ASNS: variants seen among roughly 807,000 people sequenced by gnomAD.
The protein encoded by ASNS is asparagine synthetase (glutamine-hydrolyzing), also known as asparagine synthetase [glutamine-hydrolyzing].
In ASNS, 37 loss-of-function variants were observed where a neutral mutation model predicts 62.6. That is an observed-to-expected ratio of 0.59 (90% confidence interval 0.45 to 0.78). The LOEUF is 0.78. Ranked by LOEUF, ASNS falls within the 30% of genes least tolerant of loss-of-function variation. The pLI is 0.00. For missense variants in ASNS, 520 were observed against 682.4 expected, an observed-to-expected ratio of 0.76 and a Z score of 2.65; for synonymous variants, 207 against 237.9, an observed-to-expected ratio of 0.87 and a Z score of 1.19.
the ASNS span, among the ~76,000 whole-genome samples, chr7:97,915,493 C>G: frequency 6.6e-6 from 1 of 152,224 alleles, no homozygotes; most frequent in African/African-American, 2.4e-5. Flanking sequence ...GGCCCTGGCC[C>G]TCACGGTGAC....
At chr7:97,907,251 C>T in the ASNS span, among the ~76,000 whole-genome samples, 1 of 152,210 alleles carries the variant, frequency 6.6e-6, no homozygotes, top group Non-Finnish European at 1.5e-5. Context: ...TGTCTTCCTT[C>T]TCTGATGTCT....
the ASNS span, among the ~76,000 whole-genome samples, chr7:97,877,636 C>T: frequency 6.6e-6 from 1 of 151,956 alleles, no homozygotes; most frequent in African/African-American, 2.4e-5. Flanking sequence ...AATTGTTGAA[C>T]GAAGGCCCTC....
At chr7:97,911,850 A>T in the ASNS span, among the ~76,000 whole-genome samples, 1 of 152,030 alleles carries the variant, frequency 6.6e-6, no homozygotes, top group Admixed American at 6.6e-5. Context: ...CATGGAAGAA[A>T]GGAATGGAAG....
chr7:97,920,118 G>A, the ASNS span, among the ~76,000 whole-genome samples: 2 of 151,862 alleles, frequency 1.3e-5, no homozygotes, highest in African/African-American at 2.4e-5. Context: ...AGCAATTCTC[G>A]TGGCTCAGCT....
the ASNS span, among the ~76,000 whole-genome samples, chr7:97,902,722 AAAC>A: frequency 9.9e-5 from 15 of 151,984 alleles, no homozygotes; most frequent in South Asian, 4.2e-4. Flanking sequence ...TCCTGCCTCA[AAAC>A]AACAACAACA....
rs1225532908 is a variant in ASNS, at chr7:97,859,877, T to C, written c.488-479A>G. Among the ~76,000 whole-genome samples, 4 of 152,326 alleles carry C rather than the reference T, an allele frequency of 2.6e-5. No homozygotes were observed. In the East Asian group the frequency reaches 7.7e-4, roughly 29 times the overall value. On this transcript the variant is annotated intron_variant, in intron 4 of 12. Coordinates refer to ENST00000394308, the MANE Select transcript of ASNS (RefSeq NM_001673.5). Reference sequence around the variant, plus strand: ...AGTACAATGATCCACTTTTACCTACTTTAAAGTCAGATAAGAAGACATCTA... The same window carrying C: ...AGTACAATGATCCACTTTTACCTACCTTAAAGTCAGATAAGAAGACATCTA...
At chr7:97,895,989 A>G in the ASNS span, among the ~76,000 whole-genome samples, 3 of 108,840 alleles carry the variant, frequency 2.8e-5, no homozygotes, top group Non-Finnish European at 4.5e-5. Context: ...AAGGATGAGG[A>G]AAAAAAAAAA....
chr7:97,856,644 C>T (rs1584461051), intron 8 of ASNS, 46 bp downstream of exon 8: 1 of 1,453,138 alleles, frequency 6.9e-7, no homozygotes, highest in Non-Finnish European at 9.2e-7. Flanking sequence ...ACATTTTTTT[C>T]AGTATTAAAA....
At chr7:97,910,981 G>A in the ASNS span, among the ~76,000 whole-genome samples, 1 of 152,156 alleles carries the variant, frequency 6.6e-6, no homozygotes. Context: ...TAAATCTTGA[G>A]ATCTTATTAT....
intron 4 of ASNS, 35 bp from the exon 5 acceptor site, chr7:97,859,433 G>A (rs774988030): frequency 3.3e-6 from 5 of 1,529,714 alleles, no homozygotes; most frequent in Non-Finnish European, 4.4e-6. Context: ...ATTCAAATTA[G>A]GTAACCCTTC....
intron 7 of ASNS, among the ~76,000 whole-genome samples, chr7:97,857,482 T>C (rs959943276): frequency 6.6e-6 from 1 of 152,154 alleles, no homozygotes; most frequent in Non-Finnish European, 1.5e-5. Context: ...ACATGAATTA[T>C]ATCATTTCAC....
the ASNS span, among the ~76,000 whole-genome samples, chr7:97,890,094 G>A: frequency 6.6e-6 from 1 of 151,884 alleles, no homozygotes; most frequent in Non-Finnish European, 1.5e-5. Flanking sequence ...CAATAGACTA[G>A]ATCAAGCAAA....
At chr7:97,888,326 CTTTTTTT>C in the ASNS span, among the ~76,000 whole-genome samples, 1 of 132,424 alleles carries the variant, frequency 7.6e-6, no homozygotes, top group Non-Finnish European at 1.7e-5. Flanking sequence ...GGGTTGCTTT[CTTTTTTT>C]TTTTTTTTTT....
chr7:97,897,909 A>G, the ASNS span, among the ~76,000 whole-genome samples: 1 of 152,194 alleles, frequency 6.6e-6, no homozygotes, highest in African/African-American at 2.4e-5. Context: ...ACACAATAGA[A>G]TAGTATTCAG....
the ASNS span, among the ~76,000 whole-genome samples, chr7:97,901,888 G>A: frequency 6.6e-6 from 1 of 152,146 alleles, no homozygotes; most frequent in Admixed American, 6.5e-5. Flanking sequence ...TGAGGCACAA[G>A]CATTGCTTGA....
At chr7:97,902,646 A>C in the ASNS span, among the ~76,000 whole-genome samples, 1 of 152,166 alleles carries the variant, frequency 6.6e-6, no homozygotes, top group Admixed American at 6.5e-5. Context: ...GCTGGAGCCC[A>C]GGAGGCAGAG....
At chr7:97,889,316 A>G in the ASNS span, among the ~76,000 whole-genome samples, 1 of 152,204 alleles carries the variant, frequency 6.6e-6, no homozygotes, top group African/African-American at 2.4e-5. Context: ...CAGGAGTTCG[A>G]GAGCAGCCTG....
chr7:97,886,056 A>G, the ASNS span: 2 of 585,230 alleles, frequency 3.4e-6, no homozygotes, highest in Admixed American at 2.0e-5. Flanking sequence ...GTCAGCCCAG[A>G]ATGACTCAAC....
chr7:97,890,542 T>TA, the ASNS span, among the ~76,000 whole-genome samples: 645 of 151,872 alleles, frequency 4.2e-3, 2 homozygotes, highest in African/African-American at 6.1e-3. Context: ...AAAATAAAAA[T>TA]AAAAAAATGT....
Sources: allele counts gnomAD v4.1 joint callset (sites outside exome capture counted in the v4.1 genomes callset), GRCh38; gene constraint gnomAD v4.1.1; transcripts MANE v1.5; gene names NCBI Gene and HGNC (gene_info 2026-07-23, HGNC 2026-07-21).